Variants in STAG1 observed in about 807,000 individuals in gnomAD.
The protein encoded by STAG1 is STAG1 cohesin complex component, also known as cohesin subunit SA-1.
Under a neutral mutation model 170.9 loss-of-function variants are expected in STAG1, and 26 were observed. The observed-to-expected ratio is 0.15, with a 90% CI of 0.11 to 0.21. The LOEUF (loss-of-function observed/expected upper bound fraction) is 0.21. Ranked by LOEUF, STAG1 falls within the 10% of genes least tolerant of loss-of-function variation. The pLI is 1.00. For synonymous variants in STAG1, 514 were observed against 497.7 expected (o/e 1.03, Z -0.44); for missense variants, 964 against 1,509.5 (o/e 0.64, Z 5.99).
At chr3:136,418,542 T>A (rs2087849036) in intron 20 of STAG1, among the ~76,000 whole-genome samples, 1 of 151,600 alleles carries the variant, frequency 6.6e-6, no homozygotes, top group African/African-American at 2.4e-5. Context: ...AACAAAAAAA[T>A]AAAACCTGAC....
At chr3:136,430,602 A>C (rs1029365747) in intron 16 of STAG1, among the ~76,000 whole-genome samples, 2 of 147,770 alleles carry the variant, frequency 1.4e-5, no homozygotes, top group Non-Finnish European at 3.0e-5. Context: ...AAAATACACT[A>C]CCACTAACGA....
intron 1 of STAG1, among the ~76,000 whole-genome samples, chr3:136,687,938 T>C (rs373661545): frequency 2.0e-5 from 3 of 152,112 alleles, no homozygotes; most frequent in Admixed American, 6.5e-5. Flanking sequence ...GGTTTCACCA[T>C]GTTAGCCAGG....
chr3:136,599,755 G>T (rs2107802523), intron 4 of STAG1, among the ~76,000 whole-genome samples: 1 of 152,164 alleles, frequency 6.6e-6, no homozygotes, highest in Middle Eastern at 3.4e-3. Context: ...TTTTTCCTCA[G>T]TAACATAATG....
intron 1 of STAG1, among the ~76,000 whole-genome samples, chr3:136,676,616 T>C (rs1024834574): frequency 3.3e-5 from 5 of 152,104 alleles, no homozygotes; most frequent in Admixed American, 6.6e-5. Flanking sequence ...CAGCTAATTT[T>C]TAAATTTTGT....
At chr3:136,401,571 G>A (rs2087326932) in intron 21 of STAG1, among the ~76,000 whole-genome samples, 1 of 151,982 alleles carries the variant, frequency 6.6e-6, no homozygotes, top group South Asian at 2.1e-4. Context: ...ATTACATATG[G>A]GTAGTGGTTT....
At chr3:136,434,439 T>A (rs1283035204) in intron 15 of STAG1, among the ~76,000 whole-genome samples, 1 of 152,200 alleles carries the variant, frequency 6.6e-6, no homozygotes, top group Non-Finnish European at 1.5e-5. Context: ...ATCTACTAAT[T>A]AGTTAAGTGG....
chr3:136,676,325 A>G (rs1174272003), intron 1 of STAG1, among the ~76,000 whole-genome samples: 3 of 152,244 alleles, frequency 2.0e-5, no homozygotes, highest in African/African-American at 7.2e-5. Context: ...TTTTCTTTCA[A>G]TAATGTCTTA....
At chr3:136,638,190 G>A (rs943914473) in intron 1 of STAG1, among the ~76,000 whole-genome samples, 2 of 150,630 alleles carry the variant, frequency 1.3e-5, no homozygotes, top group African/African-American at 2.4e-5. Context: ...GCAATGGCGC[G>A]ATCTCAGATC....
chr3:136,690,056 C>CAAAAAAAAAAAAAAAAAA (rs57082567), intron 1 of STAG1, among the ~76,000 whole-genome samples: 18 of 56,368 alleles, frequency 3.2e-4, no homozygotes, highest in East Asian at 5.8e-4. Context: ...AAAAGCAAAC[C>CAAAAAAAAAAAAAAAAAA]AAAAAAAAAA....
chr3:136,630,718 C>T, intron 2 of STAG1, 152 bp downstream of exon 2: 2 of 627,452 alleles, frequency 3.2e-6, no homozygotes, highest in Non-Finnish European at 5.6e-6. Context: ...ACGGTAATTA[C>T]ACACCCTACT....
At chr3:136,712,919 C>T (rs558354282) in intron 1 of STAG1, among the ~76,000 whole-genome samples, 2 of 152,186 alleles carry the variant, frequency 1.3e-5, no homozygotes, top group South Asian at 4.2e-4. Context: ...GGCGAAACTT[C>T]ATCTCTACGA....
At chr3:136,462,660 T>A (rs2089307374) in intron 13 of STAG1, among the ~76,000 whole-genome samples, 1 of 152,180 alleles carries the variant, frequency 6.6e-6, no homozygotes, top group South Asian at 2.1e-4. Flanking sequence ...TATTTATTAA[T>A]AGAAGATTTG....
At chr3:136,523,679 T>A (rs1467439821) in intron 6 of STAG1, among the ~76,000 whole-genome samples, 1 of 152,216 alleles carries the variant, frequency 6.6e-6, no homozygotes, top group Non-Finnish European at 1.5e-5. Context: ...CATGCCTATG[T>A]CCTGAGTGGT....
At chr3:136,455,082 G>T (rs1371809356) in intron 13 of STAG1, among the ~76,000 whole-genome samples, 2 of 152,168 alleles carry the variant, frequency 1.3e-5, no homozygotes, top group Non-Finnish European at 2.9e-5. Context: ...ATAAGAATTG[G>T]CTTGATTTTC....
chr3:136,536,865 T>C (rs1935660899), intron 6 of STAG1, among the ~76,000 whole-genome samples: 1 of 152,176 alleles, frequency 6.6e-6, no homozygotes, highest in African/African-American at 2.4e-5. Flanking sequence ...TATTATAAAC[T>C]ACCTACCTCA....
chr3:136,613,452 G>C (rs1419165970), intron 3 of STAG1, among the ~76,000 whole-genome samples: 1 of 151,762 alleles, frequency 6.6e-6, no homozygotes, highest in Non-Finnish European at 1.5e-5. Context: ...TTGATTTGCA[G>C]TTCCCAAATG....
chr3:136,377,577 T>C, intron 23 of STAG1, 83 bp downstream of exon 23: 1 of 1,099,216 alleles, frequency 9.1e-7, no homozygotes, highest in Non-Finnish European at 1.4e-6. Flanking sequence ...GTACAAAAAC[T>C]GCCATAAAAA....
intron 1 of STAG1, among the ~76,000 whole-genome samples, chr3:136,712,917 T>C (rs1373358580): frequency 6.6e-6 from 1 of 151,592 alleles, no homozygotes; most frequent in African/African-American, 2.4e-5. Flanking sequence ...ATGGCGAAAC[T>C]TCATCTCTAC....
At chr3:136,382,565 GCTA>G (rs1168234278) in intron 22 of STAG1, among the ~76,000 whole-genome samples, 5 of 151,918 alleles carry the variant, frequency 3.3e-5, no homozygotes, top group African/African-American at 1.2e-4. Flanking sequence ...GCCACGCCCA[GCTA>G]CTATTTTTTT....
Sources: allele counts gnomAD v4.1 joint callset (sites outside exome capture counted in the v4.1 genomes callset), GRCh38; gene constraint gnomAD v4.1.1; transcripts MANE v1.5; gene names NCBI Gene and HGNC (gene_info 2026-07-23, HGNC 2026-07-21).